The following GPC5 variants were observed in gnomAD, a reference collection of about 807,000 sequenced individuals.
The protein encoded by GPC5 is glypican 5, also known as glypican-5.
Under a neutral mutation model 53.9 loss-of-function variants are expected in GPC5, and 47 were observed. That is an observed-to-expected ratio of 0.87 (90% CI 0.69 to 1.11). GPC5 has a LOEUF of 1.11. GPC5 is among the 50% of genes most tolerant of loss of function. GPC5 has a pLI of 0.00. For missense variants in GPC5, 748 were observed against 713.1 expected, an observed-to-expected ratio of 1.05 and a Z score of -0.56; for synonymous variants, 286 against 263.3, an observed-to-expected ratio of 1.09 and a Z score of -0.84.
At chr13:92,438,696 A>G (rs939828268) in intron 7 of GPC5, among the ~76,000 whole-genome samples, 9 of 152,078 alleles carry the variant, frequency 5.9e-5, no homozygotes, top group Non-Finnish European at 1.2e-4. Flanking sequence ...TGTTACTGGG[A>G]CAATGGTCGT....
chr13:92,393,030 C>T (rs545014883), intron 7 of GPC5, among the ~76,000 whole-genome samples: 6 of 152,278 alleles, frequency 3.9e-5, no homozygotes, highest in African/African-American at 1.4e-4. Flanking sequence ...ATCATTTAAC[C>T]CAGCAATCCT....
At chr13:91,494,461 C>A (rs76295851) in intron 2 of GPC5, among the ~76,000 whole-genome samples, 6,332 of 152,028 alleles carry the variant, frequency 0.042, 408 homozygotes, top group African/African-American at 0.14. Context: ...GTACTTTCTC[C>A]AGCTGCTGCT....
chr13:91,693,781 A>C lies in GPC5; in HGVS notation c.920A>C (p.His307Pro), dbSNP rs756568127. ...RSLEELSDAM[H>P]GTYDIGHVLL... is the part of the protein sequence containing the mutation. ...TTGGAAGAACTCTCGGATGCAATGC[A>C]TGGAACATACGACATTGGACACGTG... Residue 307 changes from histidine (H) to proline (P), a missense_variant, in exon 3 of 8, where the codon CAT becomes CCT. Coordinates refer to ENST00000377067, the MANE Select transcript of GPC5 (RefSeq NM_004466.6). The C allele has an allele frequency of 3.7e-6, 6 of 1,614,036 alleles. No homozygotes were observed. Among genetic ancestry groups the C allele is most frequent in the Non-Finnish European group, 5.1e-6 (6 of 1,180,034 alleles).
In GPC5 at chr13:92,814,478, T is replaced by C. The variant is rs553516832; in HGVS notation, c.1562-51804T>C. On this transcript the variant is annotated intron_variant, in intron 7 of 7. Coordinates refer to ENST00000377067, the MANE Select transcript of GPC5 (RefSeq NM_004466.6). The stretch of plus-strand genomic sequence containing the variant: ...GAGTTCGAGACCAGCCTGGCCAACA[T>C]GGTGAAACCCCGTCTCTACTAAAAA... Among the ~76,000 whole-genome samples the C allele has an allele frequency of 1.4e-4, 22 of 151,802 alleles. 1 individual carries two copies. The South Asian group carries it at 4.4e-3, about 30-fold the overall frequency.
At chr13:92,696,046 G>T (rs1295444825) in intron 7 of GPC5, among the ~76,000 whole-genome samples, 1 of 152,112 alleles carries the variant, frequency 6.6e-6, no homozygotes, top group Non-Finnish European at 1.5e-5. Context: ...TTTTATGGCT[G>T]CATAGTATTC....
At chr13:92,624,217 G>A (rs568611025) in intron 7 of GPC5, among the ~76,000 whole-genome samples, 5 of 151,900 alleles carry the variant, frequency 3.3e-5, no homozygotes, top group Admixed American at 2.0e-4. Flanking sequence ...TAACAGGCAC[G>A]TGCCACCATG....
chr13:92,506,175 G>A (rs1457166031), intron 7 of GPC5, among the ~76,000 whole-genome samples: 2 of 152,026 alleles, frequency 1.3e-5, no homozygotes, highest in African/African-American at 4.8e-5. Context: ...GTATTTAATA[G>A]TAGTAAAAAG....
At chr13:92,817,509 A>T (rs2138806171) in intron 7 of GPC5, among the ~76,000 whole-genome samples, 1 of 152,102 alleles carries the variant, frequency 6.6e-6, no homozygotes, top group Non-Finnish European at 1.5e-5. Context: ...TACTCAACTG[A>T]ATAAAATATC....
At chr13:92,228,188 G>C (rs563186933) in intron 7 of GPC5, among the ~76,000 whole-genome samples, 32 of 134,560 alleles carry the variant, frequency 2.4e-4, no homozygotes, top group Admixed American at 2.2e-3. Flanking sequence ...AGGCACACTT[G>C]GTGTAACTTT....
chr13:91,832,665 G>A (rs2038675743), intron 5 of GPC5, among the ~76,000 whole-genome samples: 1 of 151,978 alleles, frequency 6.6e-6, no homozygotes, highest in African/African-American at 2.4e-5. Context: ...TGAAACTAAG[G>A]CATAAATAAA....
At chr13:91,413,839 C>G (rs1877990262) in intron 1 of GPC5, among the ~76,000 whole-genome samples, 1 of 152,122 alleles carries the variant, frequency 6.6e-6, no homozygotes, top group Admixed American at 6.5e-5. Context: ...CCTGAGCTAC[C>G]ATAAATAAAA....
chr13:92,417,319 G>T (rs1876357331), intron 7 of GPC5, among the ~76,000 whole-genome samples: 1 of 152,154 alleles, frequency 6.6e-6, no homozygotes, highest in South Asian at 2.1e-4. Context: ...ACTTCACATA[G>T]ATTAAGGTGG....
chr13:92,545,381 C>T (rs1177520698), intron 7 of GPC5, among the ~76,000 whole-genome samples: 10 of 152,100 alleles, frequency 6.6e-5, no homozygotes, highest in East Asian at 1.9e-4. Flanking sequence ...AATAAACATA[C>T]GTGTGCATGT....
At chr13:91,450,140 A>G (rs1881083532) in intron 2 of GPC5, among the ~76,000 whole-genome samples, 1 of 152,156 alleles carries the variant, frequency 6.6e-6, no homozygotes. Flanking sequence ...TTTTTGTAGA[A>G]AGCGTGAAAT....
intron 5 of GPC5, among the ~76,000 whole-genome samples, chr13:91,779,731 T>A (rs2037769007): frequency 6.6e-6 from 1 of 152,196 alleles, no homozygotes; most frequent in Middle Eastern, 3.4e-3. Context: ...GCCTACAGGG[T>A]CAGAATGATC....
intron 3 of GPC5, among the ~76,000 whole-genome samples, chr13:91,713,079 T>C (rs2036262533): frequency 6.6e-6 from 1 of 152,048 alleles, no homozygotes; most frequent in African/African-American, 2.4e-5. Context: ...TAATCCCAGC[T>C]ACTCAGGAGA....
intron 5 of GPC5, among the ~76,000 whole-genome samples, chr13:91,800,423 T>C (rs757878767): frequency 2.0e-5 from 3 of 151,750 alleles, no homozygotes; most frequent in Non-Finnish European, 4.4e-5. Context: ...GAGTCTAAAA[T>C]AGTAAACATA....
chr13:91,958,954 T>C (rs2040099734), intron 6 of GPC5, among the ~76,000 whole-genome samples: 1 of 151,596 alleles, frequency 6.6e-6, no homozygotes, highest in African/African-American at 2.4e-5. Context: ...AATAATCTAA[T>C]AATGCACCTT....
At chr13:91,783,172 T>C (rs2037824655) in intron 5 of GPC5, among the ~76,000 whole-genome samples, 1 of 151,984 alleles carries the variant, frequency 6.6e-6, no homozygotes, top group Admixed American at 6.6e-5. Context: ...GAGAATTGCT[T>C]GAACCTGGGA....
Sources: allele counts gnomAD v4.1 joint callset (sites outside exome capture counted in the v4.1 genomes callset), GRCh38; gene constraint gnomAD v4.1.1; transcripts MANE v1.5; gene names NCBI Gene and HGNC (gene_info 2026-07-23, HGNC 2026-07-21).